COL5A2: variants seen among roughly 807,000 people sequenced by gnomAD.
COL5A2 encodes the protein collagen type V alpha 2 chain.
COL5A2 carries 23 observed loss-of-function variants against 208.2 expected under a neutral mutation model. The ratio of observed to expected loss-of-function variants is 0.11; its 90% CI spans 0.08 to 0.16. The LOEUF is 0.16. COL5A2 is among the 10% of genes least tolerant of loss of function. COL5A2 has a pLI of 1.00. For synonymous variants in COL5A2, 625 were observed against 628.5 expected, an observed-to-expected ratio of 0.99 and a Z score of 0.08; for missense variants, 1,590 against 1,956.4, an observed-to-expected ratio of 0.81 and a Z score of 3.53.
intron 30 of COL5A2, 46 bp downstream of exon 30, chr2:189,061,516 A>T: frequency 1.4e-6 from 2 of 1,380,848 alleles, no homozygotes; most frequent in Non-Finnish European, 1.0e-6. Flanking sequence ...AAAAAAAAGC[A>T]TTTTAGTTAA....
At chr2:189,402,270 T>A in the COL5A2 span, among the ~76,000 whole-genome samples, 1 of 152,230 alleles carries the variant, frequency 6.6e-6, no homozygotes, top group South Asian at 2.1e-4. Context: ...CAGGCTGGAG[T>A]GCAGTGGTGC....
rs781635645 is a variant in COL5A2, at chr2:189,097,432, C to T, written c.403-102G>A. On this transcript the variant is annotated intron_variant, in intron 5 of 53. Coordinates refer to ENST00000374866, the MANE Select transcript of COL5A2 (RefSeq NM_000393.5). The stretch of plus-strand genomic sequence containing the variant: ...AGAAAATTGGAAAACAGAAATACCA[C>T]ACTTAATTCAGTTCAGTTGAAGACT... 1.3e-5 allele frequency: 15 copies of T among 1,173,930 alleles called. No individual in the cohort carries two copies. In the African/African-American group the frequency reaches 2.0e-4, roughly 15 times the overall value. The allele number at this position is 1,173,930 out of a possible 1,614,324, so 72.7% of individuals were successfully genotyped here.
the COL5A2 span, among the ~76,000 whole-genome samples, chr2:189,288,214 T>A: frequency 3.3e-5 from 5 of 152,298 alleles, no homozygotes; most frequent in East Asian, 9.6e-4. Flanking sequence ...TTATAACAAG[T>A]TTATAACCAT....
intron 11 of COL5A2, 124 bp downstream of exon 11, chr2:189,085,036 T>A: frequency 2.5e-6 from 2 of 786,052 alleles, no homozygotes; most frequent in Admixed American, 4.4e-5. Context: ...CTGTTTACAT[T>A]GAATTTAATG....
chr2:189,193,300 G>A (rs1299142825), intron 1 of COL5A2, among the ~76,000 whole-genome samples: 4 of 152,036 alleles, frequency 2.6e-5, no homozygotes, highest in Admixed American at 2.6e-4. Context: ...ACTAAAAGAA[G>A]AACAAATTTG....
chr2:189,094,588 GACACACACACACACACACACAC>G (rs1175370532), intron 6 of COL5A2, among the ~76,000 whole-genome samples: 10 of 11,686 alleles, frequency 8.6e-4, no homozygotes, highest in African/African-American at 1.6e-3. Flanking sequence ...CTTTCTCTCT[GACACACACACACACACACACAC>G]ACACACACAC....
At chr2:189,322,790 C>G in the COL5A2 span, among the ~76,000 whole-genome samples, 1 of 152,134 alleles carries the variant, frequency 6.6e-6, no homozygotes, top group South Asian at 2.1e-4. Context: ...CTACTCCAAT[C>G]AATAGAAAAA....
chr2:189,199,518 A>G (rs998426998), intron 1 of COL5A2, among the ~76,000 whole-genome samples: 1 of 152,192 alleles, frequency 6.6e-6, no homozygotes, highest in African/African-American at 2.4e-5. Flanking sequence ...CACACCCACT[A>G]CAAGCAAACA....
At chr2:189,318,035 T>C in the COL5A2 span, among the ~76,000 whole-genome samples, 3 of 152,214 alleles carry the variant, frequency 2.0e-5, no homozygotes, top group Non-Finnish European at 4.4e-5. Context: ...TTGTTTGTTT[T>C]TACTCTCAGA....
At chr2:189,162,992 A>C (rs1490762452) in intron 1 of COL5A2, among the ~76,000 whole-genome samples, 2 of 152,206 alleles carry the variant, frequency 1.3e-5, no homozygotes, top group Admixed American at 6.5e-5. Flanking sequence ...GTAAACACTT[A>C]TGTATCTCCC....
chr2:189,346,794 A>C, the COL5A2 span, among the ~76,000 whole-genome samples: 1 of 152,124 alleles, frequency 6.6e-6, no homozygotes, highest in Non-Finnish European at 1.5e-5. Flanking sequence ...AAAGATGGGG[A>C]TAACAGGAGG....
At chr2:189,382,281 C>T in the COL5A2 span, among the ~76,000 whole-genome samples, 1 of 151,974 alleles carries the variant, frequency 6.6e-6, no homozygotes, top group Admixed American at 6.6e-5. Context: ...CACCCGAGCC[C>T]GGGGAGGTCA....
intron 14 of COL5A2, 48 bp from the exon 15 acceptor site, chr2:189,079,155 T>A (rs558250882): frequency 2.9e-6 from 4 of 1,383,418 alleles, no homozygotes; most frequent in Admixed American, 1.7e-5. Flanking sequence ...CTACAACCGA[T>A]ACATCACTTT....
chr2:189,298,102 T>A, the COL5A2 span, among the ~76,000 whole-genome samples: 1 of 152,182 alleles, frequency 6.6e-6, no homozygotes, highest in Non-Finnish European at 1.5e-5. Context: ...ACAGCCTGTA[T>A]GTATGTATTA....
the COL5A2 span, among the ~76,000 whole-genome samples, chr2:189,281,774 C>T: frequency 2.9e-4 from 44 of 152,300 alleles, no homozygotes; most frequent in East Asian, 7.9e-3. Context: ...GACTTATATT[C>T]CTCTGATAGC....
upstream of COL5A2, among the ~76,000 whole-genome samples, chr2:189,181,570 C>G (rs1688779723): frequency 6.6e-6 from 1 of 152,132 alleles, no homozygotes; most frequent in Admixed American, 6.6e-5. Flanking sequence ...AATTTTAGAC[C>G]AATACCACCC....
upstream of COL5A2, among the ~76,000 whole-genome samples, chr2:189,226,279 T>C (rs183988991): frequency 8.9e-4 from 136 of 152,204 alleles, no homozygotes; most frequent in Non-Finnish European, 1.6e-3. Flanking sequence ...AGAGGAATGA[T>C]TGAGGAGTGG....
the COL5A2 span, among the ~76,000 whole-genome samples, chr2:189,271,494 T>C: frequency 6.6e-6 from 1 of 152,232 alleles, no homozygotes; most frequent in South Asian, 2.1e-4. Flanking sequence ...TTACACCATA[T>C]ACAAAAATTA....
At chr2:189,113,842 T>C (rs1687333282) in intron 1 of COL5A2, among the ~76,000 whole-genome samples, 2 of 151,874 alleles carry the variant, frequency 1.3e-5, no homozygotes, top group Admixed American at 1.3e-4. Context: ...ATGATGTCAA[T>C]TAAATATTAA....
Sources: allele counts gnomAD v4.1 joint callset (sites outside exome capture counted in the v4.1 genomes callset), GRCh38; gene constraint gnomAD v4.1.1; transcripts MANE v1.5; gene names NCBI Gene and HGNC (gene_info 2026-07-23, HGNC 2026-07-21).